The following ROBO1 variants were observed in gnomAD, a reference collection of about 807,000 sequenced individuals.
The protein encoded by ROBO1 is roundabout homolog 1.
In ROBO1, 149 loss-of-function variants were observed where a neutral mutation model predicts 195.9. The observed-to-expected ratio is 0.76, with a 90% CI of 0.67 to 0.87. ROBO1 has a LOEUF of 0.87. Among genes scored for constraint, ROBO1 ranks in the 40% least tolerant of loss-of-function variants. ROBO1 has a pLI of 0.00. For missense variants in ROBO1, 1,933 were observed against 2,068.3 expected, an observed-to-expected ratio of 0.93 and a Z score of 1.27; for synonymous variants, 816 against 733.2, an observed-to-expected ratio of 1.11 and a Z score of -1.82.
chr3:79,187,238 T>C (rs2081456696), intron 2 of ROBO1, among the ~76,000 whole-genome samples: 1 of 151,962 alleles, frequency 6.6e-6, no homozygotes, highest in African/African-American at 2.4e-5. Context: ...TCTGTCCCCA[T>C]ATGGAACTGG....
chr3:79,021,343 A>T (rs2078096828), intron 3 of ROBO1, among the ~76,000 whole-genome samples: 1 of 152,240 alleles, frequency 6.6e-6, no homozygotes, highest in Non-Finnish European at 1.5e-5. Context: ...AAAGTGTAGT[A>T]CTTGAGAGAA....
At chr3:79,731,071 G>A (rs906916845) in intron 1 of ROBO1, among the ~76,000 whole-genome samples, 2 of 152,042 alleles carry the variant, frequency 1.3e-5, no homozygotes, top group Non-Finnish European at 2.9e-5. Context: ...ATTTTAGTCA[G>A]CAAACTTGCT....
At chr3:79,376,625 T>C (rs1008434080) in intron 2 of ROBO1, among the ~76,000 whole-genome samples, 14 of 152,176 alleles carry the variant, frequency 9.2e-5, no homozygotes, top group African/African-American at 3.4e-4. Context: ...CCTGCCACCA[T>C]GTAAGTTGTG....
Position 79,557,365 on chromosome 3 carries a change from C to T in ROBO1, c.88+32459G>A, listed in dbSNP as rs1470800241. On this transcript the variant is annotated intron_variant, in intron 2 of 30. Transcript: ENST00000464233. The stretch of plus-strand genomic sequence containing the variant: ...TTTAAAACATTAGTTTGACTATCAT[C>T]TTCATTCACTTCATTTTAAATTTCT... Among the ~76,000 whole-genome samples the T allele has an allele frequency of 9.2e-5, 14 of 151,930 alleles. 1 individual carries two copies. The highest frequency in any genetic ancestry group is 9.2e-4 in the Admixed American group (14 of 15,238).
chr3:79,306,182 A>C (rs550941699), intron 2 of ROBO1, among the ~76,000 whole-genome samples: 10 of 152,336 alleles, frequency 6.6e-5, no homozygotes, highest in Admixed American at 5.2e-4. Flanking sequence ...CTAATACAGC[A>C]TTTTTAAGTT....
chr3:78,861,011 A>C (rs2034803040), intron 4 of ROBO1, among the ~76,000 whole-genome samples: 1 of 152,156 alleles, frequency 6.6e-6, no homozygotes, highest in Non-Finnish European at 1.5e-5. Flanking sequence ...TTTTCATTAA[A>C]TGACCTTACC....
intron 2 of ROBO1, among the ~76,000 whole-genome samples, chr3:79,284,704 T>C (rs2031775301): frequency 6.6e-6 from 1 of 152,184 alleles, no homozygotes; most frequent in African/African-American, 2.4e-5. Context: ...TCAAGGTAAA[T>C]GGAAAATTAG....
intron 1 of ROBO1, among the ~76,000 whole-genome samples, chr3:79,681,269 A>C (rs1946938876): frequency 6.6e-6 from 1 of 151,984 alleles, no homozygotes; most frequent in African/African-American, 2.4e-5. Flanking sequence ...GGAATGGAGG[A>C]TGCCTCCACT....
intron 3 of ROBO1, among the ~76,000 whole-genome samples, chr3:79,023,820 C>T (rs1234610634): frequency 1.3e-5 from 2 of 148,268 alleles, no homozygotes; most frequent in East Asian, 2.1e-4. Flanking sequence ...CTCCTTGCCT[C>T]ATTCTCCCAG....
At chr3:79,226,543 CTTT>C (rs112824317) in intron 2 of ROBO1, among the ~76,000 whole-genome samples, 3 of 135,718 alleles carry the variant, frequency 2.2e-5, no homozygotes, top group Non-Finnish European at 1.6e-5. Context: ...TTCTTTCTTT[CTTT>C]TTTTTTTTTT....
intron 2 of ROBO1, among the ~76,000 whole-genome samples, chr3:79,135,165 T>C (rs1269343142): frequency 6.6e-6 from 1 of 152,160 alleles, no homozygotes; most frequent in African/African-American, 2.4e-5. Flanking sequence ...ACTGAAATTT[T>C]ATGTCCTTTG....
chr3:79,523,071 A>C (rs768439383), intron 2 of ROBO1, among the ~76,000 whole-genome samples: 9 of 152,120 alleles, frequency 5.9e-5, no homozygotes, highest in Non-Finnish European at 1.2e-4. Context: ...CAACAAGCTG[A>C]TCTAGTTGTT....
At chr3:79,415,107 C>T (rs2037944415) in intron 2 of ROBO1, among the ~76,000 whole-genome samples, 1 of 152,108 alleles carries the variant, frequency 6.6e-6, no homozygotes, top group Non-Finnish European at 1.5e-5. Context: ...TACATCCTGA[C>T]TCACGGAAGT....
intron 19 of ROBO1, among the ~76,000 whole-genome samples, chr3:78,651,458 G>C (rs543844632): frequency 6.6e-6 from 1 of 152,086 alleles, no homozygotes; most frequent in East Asian, 1.9e-4. Context: ...TAAGAGAAAA[G>C]GGAAAAGGTA....
intron 1 of ROBO1, among the ~76,000 whole-genome samples, chr3:79,694,329 C>T (rs973689121): frequency 1.3e-5 from 2 of 151,746 alleles, no homozygotes; most frequent in Non-Finnish European, 2.9e-5. Flanking sequence ...ATTTACTTAT[C>T]TCTTTTAGGT....
At chr3:79,227,596 T>C (rs954926827) in intron 2 of ROBO1, among the ~76,000 whole-genome samples, 3 of 152,166 alleles carry the variant, frequency 2.0e-5, no homozygotes, top group African/African-American at 7.2e-5. Context: ...AAGAGTCATC[T>C]CTGGTTCTGA....
chr3:78,638,100 T>C (rs1472775211), intron 22 of ROBO1, among the ~76,000 whole-genome samples: 2 of 151,936 alleles, frequency 1.3e-5, no homozygotes, highest in East Asian at 1.9e-4. Flanking sequence ...TTTAGCAAGA[T>C]AATTTACTCA....
At chr3:79,394,648 TTGA>T (rs1462766407) in intron 2 of ROBO1, among the ~76,000 whole-genome samples, 3 of 152,114 alleles carry the variant, frequency 2.0e-5, no homozygotes, top group Non-Finnish European at 2.9e-5. Flanking sequence ...TTTTATATTG[TTGA>T]TGAGAACACA....
chr3:78,639,625 G>T, intron 22 of ROBO1, 119 bp downstream of exon 22: 3 of 956,416 alleles, frequency 3.1e-6, no homozygotes, highest in Middle Eastern at 3.3e-4. Context: ...ACAATAGTCA[G>T]CATTGGATAA....
Sources: allele counts gnomAD v4.1 joint callset (sites outside exome capture counted in the v4.1 genomes callset), GRCh38; gene constraint gnomAD v4.1.1; transcripts MANE v1.5; gene names NCBI Gene and HGNC (gene_info 2026-07-23, HGNC 2026-07-21).